The following SCFD2 variants were observed in gnomAD, a reference collection of about 807,000 sequenced individuals.
The protein encoded by SCFD2 is sec1 family domain-containing protein 2.
SCFD2 carries 54 observed loss-of-function variants against 58.9 expected under a neutral mutation model. The ratio of observed to expected loss-of-function variants is 0.92; its 90% CI spans 0.74 to 1.15. SCFD2 has a LOEUF of 1.15. Among genes scored for constraint, SCFD2 ranks in the 50% most tolerant of loss-of-function variants. SCFD2 has a pLI of 0.00. For missense variants in SCFD2, 805 were observed against 836.6 expected, an observed-to-expected ratio of 0.96 and a Z score of 0.47; for synonymous variants, 321 against 335.9, an observed-to-expected ratio of 0.96 and a Z score of 0.49.
chr4:52,941,486 TG>T (rs758712704), intron 5 of SCFD2, among the ~76,000 whole-genome samples: 1 of 152,242 alleles, frequency 6.6e-6, no homozygotes, highest in Non-Finnish European at 1.5e-5. Flanking sequence ...GAAGCTGAGA[TG>T]CTCCCTTGGT....
At chr4:53,118,476 G>GA (rs1725386152) in intron 5 of SCFD2, among the ~76,000 whole-genome samples, 1 of 152,076 alleles carries the variant, frequency 6.6e-6, no homozygotes. Context: ...ATTTGTATCA[G>GA]AAAAAAAGTA....
intron 7 of SCFD2, among the ~76,000 whole-genome samples, chr4:52,898,385 T>C (rs1354397393): frequency 6.6e-6 from 1 of 152,250 alleles, no homozygotes; most frequent in Non-Finnish European, 1.5e-5. Context: ...AGAACATCTT[T>C]ATTTCTGCCT....
At chr4:53,313,892 G>A (rs775748514) in intron 2 of SCFD2, 129 bp from the exon 3 acceptor site, 79 of 698,500 alleles carry the variant, frequency 1.1e-4, no homozygotes, top group Non-Finnish European at 1.6e-4. Context: ...TAGACTCTAA[G>A]TATTAGGATT....
intron 8 of SCFD2, among the ~76,000 whole-genome samples, chr4:52,883,471 T>C (rs1240792793): frequency 6.6e-6 from 1 of 152,158 alleles, no homozygotes; most frequent in Non-Finnish European, 1.5e-5. Flanking sequence ...GGCTGATCCT[T>C]AAGCTCAAAA....
intron 5 of SCFD2, among the ~76,000 whole-genome samples, chr4:52,958,368 T>C (rs1720760830): frequency 6.6e-6 from 1 of 152,238 alleles, no homozygotes; most frequent in East Asian, 1.9e-4. Flanking sequence ...TTAACTGGGC[T>C]CTTATCCCAG....
intron 4 of SCFD2, among the ~76,000 whole-genome samples, chr4:53,160,254 G>C (rs949940324): frequency 2.6e-5 from 4 of 152,184 alleles, no homozygotes. Context: ...CACAGAACTG[G>C]TATGATCTTG....
intron 2 of SCFD2, among the ~76,000 whole-genome samples, chr4:53,331,188 G>A (rs1321187360): frequency 4.0e-5 from 6 of 151,356 alleles, no homozygotes; most frequent in Middle Eastern, 3.4e-3. Flanking sequence ...ACAGATCAAC[G>A]AGACAGAAAG....
chr4:53,025,196 G>C (rs1287762828), intron 5 of SCFD2, among the ~76,000 whole-genome samples: 1 of 151,944 alleles, frequency 6.6e-6, no homozygotes, highest in Admixed American at 6.6e-5. Context: ...ATCTATACTT[G>C]GTCATATAAT....
chr4:53,053,261 A>G (rs1345534476), intron 5 of SCFD2, among the ~76,000 whole-genome samples: 1 of 151,936 alleles, frequency 6.6e-6, no homozygotes, highest in Non-Finnish European at 1.5e-5. Flanking sequence ...ATATATAGTA[A>G]TAGAGGTCAG....
At chr4:53,022,349 C>A (rs998151169) in intron 5 of SCFD2, among the ~76,000 whole-genome samples, 12 of 152,146 alleles carry the variant, frequency 7.9e-5, no homozygotes, top group African/African-American at 2.7e-4. Context: ...TGCCTGATCC[C>A]CCATCTAGGG....
intron 3 of SCFD2, among the ~76,000 whole-genome samples, chr4:53,307,591 T>C (rs1260489704): frequency 6.6e-6 from 1 of 151,994 alleles, no homozygotes; most frequent in Non-Finnish European, 1.5e-5. Flanking sequence ...AAGTGGGTAA[T>C]TGAAAGGATA....
chr4:53,124,964 T>C (rs1406027164), intron 5 of SCFD2, among the ~76,000 whole-genome samples: 2 of 152,132 alleles, frequency 1.3e-5, no homozygotes, highest in African/African-American at 4.8e-5. Flanking sequence ...ATTTTAGACA[T>C]GGAGTAACGG....
At chr4:53,062,137 T>G (rs1245512735) in intron 5 of SCFD2, among the ~76,000 whole-genome samples, 2 of 151,764 alleles carry the variant, frequency 1.3e-5, no homozygotes, top group Non-Finnish European at 2.9e-5. Flanking sequence ...TTTGGGAGCC[T>G]GAGGTGGGCA....
intron 2 of SCFD2, among the ~76,000 whole-genome samples, chr4:53,335,856 C>T (rs1733668259): frequency 6.6e-6 from 1 of 152,122 alleles, no homozygotes; most frequent in Non-Finnish European, 1.5e-5. Context: ...TGCAGCCATA[C>T]CAAGCATCTA....
chr4:53,130,085 C>T (rs1725743286), intron 5 of SCFD2, among the ~76,000 whole-genome samples: 1 of 152,066 alleles, frequency 6.6e-6, no homozygotes, highest in Admixed American at 6.6e-5. Flanking sequence ...AGACTTGTGT[C>T]CCATAAATTT....
rs556741738 is a variant in SCFD2, at chr4:53,022,680, C to A, written c.1562-101810G>T. Among the ~76,000 whole-genome samples the A allele has an allele frequency of 1.2e-4, 19 of 152,264 alleles. 1 individual carries two copies. In the South Asian group the frequency reaches 3.7e-3, roughly 30 times the overall value. The stretch of plus-strand genomic sequence containing the variant: ...CTCTAAAGAGGGGATTAATTCCTGC[C>A]AGACTACCTCACAGAGTAATTTAGA... On this transcript the variant is annotated intron_variant, in intron 5 of 8. Transcript: ENST00000401642.
rs143640405 is a variant in SCFD2 at position 53,297,438 on chromosome 4, T to G, written c.1135+16198A>C. ...TCATTCTTAGTTTAAGGTCTCTTTG[T>G]GTCAGACTAGAATTGCAACCCTTGG... On this transcript the variant is annotated intron_variant, in intron 3 of 8. Transcript: ENST00000401642. Among the ~76,000 whole-genome samples, 486 of 152,212 alleles carry G rather than the reference T, an allele frequency of 3.2e-3. 11 individuals carry two copies. Among genetic ancestry groups the G allele is most frequent in the Admixed American group, 0.03 (465 of 15,274 alleles).
chr4:53,318,498 C>G (rs1434910544), intron 2 of SCFD2, among the ~76,000 whole-genome samples: 4 of 152,084 alleles, frequency 2.6e-5, no homozygotes, highest in Admixed American at 2.6e-4. Flanking sequence ...CCAATACAGA[C>G]AGATGAAAAA....
chr4:52,878,523 A>C (rs1718533830), intron 8 of SCFD2, among the ~76,000 whole-genome samples: 3 of 152,142 alleles, frequency 2.0e-5, no homozygotes, highest in Admixed American at 6.5e-5. Flanking sequence ...TACTTTTTTG[A>C]ATTTTCAGAA....
Sources: allele counts gnomAD v4.1 joint callset (sites outside exome capture counted in the v4.1 genomes callset), GRCh38; gene constraint gnomAD v4.1.1; transcripts MANE v1.5; gene names NCBI Gene and HGNC (gene_info 2026-07-23, HGNC 2026-07-21).